The following MAX variants were observed in gnomAD, a reference collection of about 807,000 sequenced individuals.
MAX encodes the protein MYC associated transcriptional regulator X, also known as protein max.
In MAX, 3 loss-of-function variants were observed where a neutral mutation model predicts 22.3. The ratio of observed to expected loss-of-function variants is 0.13; its 90% CI spans 0.06 to 0.35. The LOEUF (loss-of-function observed/expected upper bound fraction) is 0.35. Ranked by LOEUF, MAX falls within the 10% of genes least tolerant of loss-of-function variation. The pLI, the probability that MAX is intolerant of heterozygous loss-of-function variation, is 1.00. For missense variants in MAX, 119 were observed against 209.4 expected, an observed-to-expected ratio of 0.57 and a Z score of 2.66; for synonymous variants, 72 against 77.7, an observed-to-expected ratio of 0.93 and a Z score of 0.39.
Position 65,093,658 on chromosome 14 carries a change from A to C in MAX, c.171+50T>G. The C allele has an allele frequency of 1.0e-6, 1 of 965,236 alleles. No individual in the cohort carries two copies. Among genetic ancestry groups the C allele is most frequent in the Non-Finnish European group, 1.7e-6 (1 of 587,304 alleles). The allele number at this position is 965,236 out of a possible 1,614,324, so 59.8% of individuals were successfully genotyped here. ...TGAGTGCTCTGCTAAGCTCTGCAAC[A>C]AGTTCCAAGCTAGTAGTGGCCAGCT... On this transcript the variant is annotated intron_variant, in intron 3 of 4. Coordinates refer to ENST00000358664, the MANE Select transcript of MAX (RefSeq NM_002382.5). The surrounding 1 kb of genome is among the most constrained non-coding windows in gnomAD (Gnocchi z 4.4).
At chr14:65,072,019 C>T (rs2062992809), downstream of MAX, among the ~76,000 whole-genome samples, 1 of 152,128 alleles carries the variant, frequency 6.6e-6, no homozygotes, top group South Asian at 2.1e-4. Flanking sequence ...GAAGGAAATT[C>T]TCTATTCGCT....
At chr14:65,090,903 A>C (rs1175915890) in intron 3 of MAX, among the ~76,000 whole-genome samples, 7 of 152,190 alleles carry the variant, frequency 4.6e-5, no homozygotes, top group Non-Finnish European at 1.5e-5. Flanking sequence ...TTTTTACACA[A>C]GTATCCCCTA....
intron 3 of MAX, among the ~76,000 whole-genome samples, chr14:65,026,265 T>G (rs1439735378): frequency 6.6e-6 from 1 of 152,188 alleles, no homozygotes; most frequent in Non-Finnish European, 1.5e-5. Flanking sequence ...CCCTTTCTGG[T>G]GCACTTCGGA....
At position 65,014,225 on chromosome 14, in the gene MAX, G is replaced by C. The variant is rs1229652664; in HGVS notation, c.172-7941C>G. Among the ~76,000 whole-genome samples the C allele has an allele frequency of 6.6e-6, 1 of 152,072 alleles. No homozygotes were observed. Among genetic ancestry groups the C allele is most frequent in the Non-Finnish European group, 1.5e-5 (1 of 68,026 alleles). On this transcript the variant is annotated intron_variant, in intron 3 of 3. Transcript: ENST00000341653. The surrounding 1 kb of genome is among the most constrained non-coding windows in gnomAD (Gnocchi z 5.1). Reference sequence around the variant, plus strand: ...TTATATATTTTAATTTATAAAACTGGGGCAGTACTCCTACCTACCCTGCCT... The same window carrying C: ...TTATATATTTTAATTTATAAAACTGCGGCAGTACTCCTACCTACCCTGCCT...
intron 3 of MAX, among the ~76,000 whole-genome samples, chr14:65,064,097 C>G (rs2062907152): frequency 6.6e-6 from 1 of 152,102 alleles, no homozygotes; most frequent in South Asian, 2.1e-4. Context: ...AGGGGAAACA[C>G]CCCTGAGATA....
intron 2 of MAX, among the ~76,000 whole-genome samples, chr14:65,094,911 C>G (rs1334282765): frequency 6.6e-6 from 1 of 152,170 alleles, no homozygotes; most frequent in Non-Finnish European, 1.5e-5. Flanking sequence ...ATCTAGAGAG[C>G]CAGTCTGTAC....
In MAX at chr14:65,030,068, G is replaced by A. The variant is rs906592981; in HGVS notation, c.172-23784C>T. Among the ~76,000 whole-genome samples the A allele has an allele frequency of 2.7e-4, 41 of 152,330 alleles. No individual in the cohort carries two copies. The highest frequency in any genetic ancestry group is 8.2e-4 in the African/African-American group (34 of 41,564). On this transcript the variant is annotated intron_variant, in intron 3 of 3. Coordinates refer to the MAX transcript ENST00000341653. This position sits in a 1 kb window ranked among gnomAD's most constrained non-coding sequence, Gnocchi z 4.5. ...TATTACGTTTCCTCCCCATCTCAGC[G>A]TGAGACCTGGGACTCCTGTCTTCTG...
Position 65,077,651 on chromosome 14 carries a change from C to A in MAX, c.295+262G>T. ...CTACTGCAGGCAGAGCACCTGAGCC[C>A]CAAGAAGGGGAGAGGTCAGGCCAGA... On this transcript the variant is annotated intron_variant, in intron 4 of 4. Transcript: ENST00000358664. The surrounding 1 kb of genome is among the most constrained non-coding windows in gnomAD (Gnocchi z 6.3). The A allele has an allele frequency of 7.0e-7, 1 of 1,422,000 alleles. No homozygotes were observed. 88.1% of individuals were successfully genotyped at this position (1,422,000 alleles called of 1,614,324 possible).
At chr14:65,099,514 G>C (rs1238440457) in intron 2 of MAX, among the ~76,000 whole-genome samples, 1 of 144,890 alleles carries the variant, frequency 6.9e-6, no homozygotes, top group Admixed American at 6.7e-5. Context: ...TTCAAGAACT[G>C]CGAGCCAAAA....
intron 3 of MAX, among the ~76,000 whole-genome samples, chr14:65,085,528 T>C (rs1005119143): frequency 6.6e-6 from 1 of 152,184 alleles, no homozygotes; most frequent in African/African-American, 2.4e-5. Flanking sequence ...TCATTCTGTA[T>C]GACAGTCTCC....
At position 65,010,408 on chromosome 14, in the gene MAX, C is replaced by T. The variant is rs571138195; in HGVS notation, c.172-4124G>A. 2.0e-3 allele frequency among the ~76,000 whole-genome samples: 301 copies of T among 152,294 alleles called. 2 individuals carry two copies. The highest frequency in any genetic ancestry group is 6.9e-3 in the African/African-American group (286 of 41,558). ...CTCTCCTGAGCCTCACGTGTGTGTCCAGCAGCCTGATTGACATCATCACCT... is the reference window on the plus strand; with the variant it reads ...CTCTCCTGAGCCTCACGTGTGTGTCTAGCAGCCTGATTGACATCATCACCT... On this transcript the variant is annotated intron_variant, in intron 3 of 3. Coordinates refer to the MAX transcript ENST00000341653.
chr14:65,015,732 G>A (rs1485487478), intron 3 of MAX: 2 of 1,610,154 alleles, frequency 1.2e-6, no homozygotes, highest in Non-Finnish European at 1.7e-6. Flanking sequence ...TCTGTCTTTG[G>A]GAAATCTGGG....
intron 3 of MAX, among the ~76,000 whole-genome samples, chr14:65,065,433 G>C (rs558838403): frequency 6.6e-6 from 1 of 152,132 alleles, no homozygotes; most frequent in Non-Finnish European, 1.5e-5. Context: ...AGGTGATCTC[G>C]TCGTTGTGTG....
At position 65,077,543 on chromosome 14, in the gene MAX, C is replaced by A. The variant is rs1338941052; in HGVS notation, c.295+370G>T. On this transcript the variant is annotated intron_variant, in intron 4 of 4. Transcript: ENST00000358664. The surrounding 1 kb of genome is among the most constrained non-coding windows in gnomAD (Gnocchi z 6.3). ...GGGAGGGCTCACTGTCCCTGAACAC[C>A]TGGAGTCTCTGGTACTTACACAGCA... The A allele has an allele frequency of 1.1e-6, 1 of 922,894 alleles. No individual in the cohort carries two copies. The highest frequency in any genetic ancestry group is 1.8e-6 in the Non-Finnish European group (1 of 551,788). 57.2% of individuals were successfully genotyped at this position (922,894 alleles called of 1,614,324 possible).
chr14:65,039,907 G>A (rs1293496512), intron 3 of MAX, among the ~76,000 whole-genome samples: 1 of 152,204 alleles, frequency 6.6e-6, no homozygotes, highest in Non-Finnish European at 1.5e-5. Context: ...GATCACCAGA[G>A]GCCAAGTGCG....
Position 65,048,148 on chromosome 14 carries a change from A to G in MAX, c.172-41864T>C, listed in dbSNP as rs902665434. 5.0e-4 allele frequency among the ~76,000 whole-genome samples: 76 copies of G among 151,926 alleles called. 1 individual carries two copies. The highest frequency in any genetic ancestry group is 6.8e-3 in the Middle Eastern group (2 of 294). The stretch of plus-strand genomic sequence containing the variant: ...AGGCGTGTACCACCACACCCAGCCA[A>G]TGTTTTCTATTTTTAGTAGAGACAG... On this transcript the variant is annotated intron_variant, in intron 3 of 3. Transcript: ENST00000341653.
In MAX at chr14:65,012,028, G is replaced by A. The variant is rs1267052801; in HGVS notation, c.172-5744C>T. 1.5e-5 allele frequency: 5 copies of A among 338,464 alleles called. No individual in the cohort carries two copies. Among genetic ancestry groups the A allele is most frequent in the Non-Finnish European group, 2.3e-5 (4 of 174,682 alleles). The allele number at this position is 338,464 out of a possible 1,614,324, so 21.0% of individuals were successfully genotyped here. A position where few individuals can be genotyped will look rare whatever the true frequency, so the allele number is the denominator to read the frequency against. ...GGACTGTCATTGCCTGGCTGCGTGT[G>A]CTCATTGCGGCTTTTCCGTTAGCCC... is the stretch of plus-strand genomic sequence containing the variant. On this transcript the variant is annotated intron_variant, in intron 3 of 3. Coordinates refer to the MAX transcript ENST00000341653. The surrounding 1 kb of genome is among the most constrained non-coding windows in gnomAD (Gnocchi z 5.0).
In MAX at chr14:65,075,929, A is replaced by G; in HGVS notation, c.*547T>C. ...AACTTCTCTAAGGATCTGGTCTTTC[A>G]ATAGGAGCGATACATAGCTTTTTAG... On this transcript the variant is annotated 3_prime_UTR_variant, in exon 5 of 5. Coordinates refer to ENST00000358664, the MANE Select transcript of MAX (RefSeq NM_002382.5). The surrounding 1 kb of genome is among the most constrained non-coding windows in gnomAD (Gnocchi z 4.1). 8.4e-6 allele frequency: 9 copies of G among 1,069,090 alleles called. No homozygotes were observed. Among genetic ancestry groups the G allele is most frequent in the Non-Finnish European group, 1.0e-5 (9 of 881,556 alleles). 66.2% of individuals were successfully genotyped at this position (1,069,090 alleles called of 1,614,324 possible).
At position 65,075,942 on chromosome 14, in the gene MAX, C is replaced by T. The variant is rs886050632; in HGVS notation, c.*534G>A. 1.0e-4 allele frequency: 107 copies of T among 1,072,086 alleles called. No individual in the cohort carries two copies. Among genetic ancestry groups the T allele is most frequent in the Non-Finnish European group, 1.1e-4 (100 of 883,354 alleles). The allele number at this position is 1,072,086 out of a possible 1,614,324, so 66.4% of individuals were successfully genotyped here. A position where few individuals can be genotyped will look rare whatever the true frequency, so the allele number is the denominator to read the frequency against. ...ATCTGGTCTTTCAATAGGAGCGATA[C>T]ATAGCTTTTTAGAAAAAGGAAAAAA... On this transcript the variant is annotated 3_prime_UTR_variant, in exon 5 of 5. Coordinates refer to ENST00000358664, the MANE Select transcript of MAX (RefSeq NM_002382.5). This position sits in a 1 kb window ranked among gnomAD's most constrained non-coding sequence, Gnocchi z 4.1.
Sources: allele counts gnomAD v4.1 joint callset (sites outside exome capture counted in the v4.1 genomes callset), GRCh38; gene constraint gnomAD v4.1.1; non-coding constraint Gnocchi (gnomAD v3.1); transcripts MANE v1.5; gene names NCBI Gene and HGNC (gene_info 2026-07-23, HGNC 2026-07-21).